NBAS: variants seen among roughly 807,000 people sequenced by gnomAD.
NBAS encodes the protein NAG/BC035112 fusion.
Under a neutral mutation model 302.5 loss-of-function variants are expected in NBAS, and 219 were observed. That is an observed-to-expected ratio of 0.72 (90% confidence interval 0.65 to 0.81). The LOEUF is 0.81. Among genes scored for constraint, NBAS ranks in the 30% least tolerant of loss-of-function variants. The probability of loss-of-function intolerance (pLI) is 0.00; values close to 1 mark genes in which losing one functional copy is unlikely to be tolerated. For synonymous variants in NBAS, 1,118 were observed against 1,021.6 expected (o/e 1.09, Z -1.80); for missense variants, 2,932 against 2,841.6 (o/e 1.03, Z -0.72).
At chr2:15,040,593 A>T in the NBAS span, among the ~76,000 whole-genome samples, 1 of 152,198 alleles carries the variant, frequency 6.6e-6, no homozygotes, top group Non-Finnish European at 1.5e-5. Context: ...CAGCAAACAG[A>T]TGTGGGGCTC....
chr2:15,403,707 G>A (rs1163252295), intron 25 of NBAS, among the ~76,000 whole-genome samples: 3 of 152,146 alleles, frequency 2.0e-5, no homozygotes, highest in African/African-American at 7.2e-5. Flanking sequence ...ACTGAGGGAT[G>A]AACGTATTCA....
intron 21 of NBAS, among the ~76,000 whole-genome samples, chr2:15,443,842 C>A (rs1186060887): frequency 6.6e-5 from 10 of 151,622 alleles, no homozygotes; most frequent in African/African-American, 1.2e-4. Flanking sequence ...AATCACAAGC[C>A]TTCTTATACA....
At chr2:14,808,351 T>C in the NBAS span, among the ~76,000 whole-genome samples, 1 of 152,180 alleles carries the variant, frequency 6.6e-6, no homozygotes, top group East Asian at 1.9e-4. Flanking sequence ...GTGAAATGGT[T>C]TGGCTCTGTA....
chr2:15,210,252 T>C (rs1666345167), intron 48 of NBAS, among the ~76,000 whole-genome samples: 1 of 151,928 alleles, frequency 6.6e-6, no homozygotes, highest in South Asian at 2.1e-4. Flanking sequence ...AACCAGAATA[T>C]ATAAGGAGTT....
At chr2:15,433,663 T>C (rs746913241) in intron 21 of NBAS, among the ~76,000 whole-genome samples, 33 of 152,236 alleles carry the variant, frequency 2.2e-4, no homozygotes, top group Non-Finnish European at 4.0e-4. Context: ...GCATTGTCTC[T>C]GTCCCAAACG....
the NBAS span, among the ~76,000 whole-genome samples, chr2:14,824,492 G>A: frequency 6.6e-6 from 1 of 151,170 alleles, no homozygotes; most frequent in Admixed American, 6.6e-5. Context: ...AGAAAGGGAG[G>A]AAAATACTCA....
intron 33 of NBAS, among the ~76,000 whole-genome samples, chr2:15,355,937 A>G (rs1673595744): frequency 6.6e-6 from 1 of 152,204 alleles, no homozygotes; most frequent in Non-Finnish European, 1.5e-5. Flanking sequence ...AAAAAATTAA[A>G]GAATGGAAAT....
At chr2:15,244,517 G>A (rs954932657) in intron 44 of NBAS, among the ~76,000 whole-genome samples, 3 of 152,150 alleles carry the variant, frequency 2.0e-5, no homozygotes, top group Non-Finnish European at 4.4e-5. Flanking sequence ...CCTCACAGTC[G>A]TGTCTGCCAA....
chr2:15,382,255 A>T (rs1299841618), intron 29 of NBAS, among the ~76,000 whole-genome samples: 2 of 152,184 alleles, frequency 1.3e-5, no homozygotes, highest in Admixed American at 6.5e-5. Flanking sequence ...ATTCCAAATT[A>T]ATGAGTAAAT....
chr2:15,133,386 T>C, the NBAS span, among the ~76,000 whole-genome samples: 266 of 152,188 alleles, frequency 1.7e-3, 2 homozygotes, highest in Non-Finnish European at 1.5e-3. Context: ...GAGATGGTCT[T>C]AGAGATGAAA....
intron 48 of NBAS, among the ~76,000 whole-genome samples, chr2:15,215,920 A>G (rs925401461): frequency 1.3e-5 from 2 of 152,226 alleles, no homozygotes; most frequent in South Asian, 4.1e-4. Flanking sequence ...TTGAAAAACA[A>G]TAATTTAAGA....
At chr2:15,536,350 T>A in intron 8 of NBAS, 68 bp downstream of exon 8, 1 of 1,524,458 alleles carries the variant, frequency 6.6e-7, no homozygotes, top group Non-Finnish European at 8.9e-7. Context: ...AAAAGAAATA[T>A]CAAAATCTGA....
At position 15,309,191 on chromosome 2, in the gene NBAS, A is replaced by G; in HGVS notation, c.4639T>C (p.Tyr1547His). The G allele has an allele frequency of 6.2e-7, 1 of 1,612,978 alleles. No individual in the cohort carries two copies. Among genetic ancestry groups the G allele is most frequent in the Non-Finnish European group, 8.5e-7 (1 of 1,179,250 alleles). ...CTTACTTGTGGTAAGGCAAGAAGGT[A>G]AGCAAGAGCCAAGGTCATGTCATTT... is the stretch of plus-strand genomic sequence containing the variant. ...LPNDMTLALA[Y>H]LLALPQVLDA... The change falls in exon 39 of 52, where the codon TAC (tyrosine) becomes CAC (histidine). Residue 1547 changes from tyrosine (Y) to histidine (H), a missense_variant. Physicochemically the swap from Tyr to His is moderately conservative, Grantham distance 83 (BLOSUM62 2). Transcript: ENST00000281513.
intron 31 of NBAS, 24 bp downstream of exon 31, chr2:15,374,584 T>C (rs751605524): frequency 2.1e-5 from 33 of 1,571,894 alleles, no homozygotes; most frequent in Non-Finnish European, 2.8e-5. Context: ...TTAGTAACAA[T>C]GCAACAGTAA....
chr2:15,502,464 T>C (rs1344723929), intron 11 of NBAS, among the ~76,000 whole-genome samples: 3 of 152,218 alleles, frequency 2.0e-5, no homozygotes, highest in African/African-American at 7.2e-5. Flanking sequence ...CTAGATGGGA[T>C]AGCCTACTAC....
At chr2:14,901,946 A>G in the NBAS span, among the ~76,000 whole-genome samples, 35,717 of 151,300 alleles carry the variant, frequency 0.24, 4,523 homozygotes, top group Non-Finnish European at 0.26. Flanking sequence ...GGAAACACCC[A>G]TGGGATCTGG....
chr2:14,886,437 A>G, the NBAS span, among the ~76,000 whole-genome samples: 1 of 152,134 alleles, frequency 6.6e-6, no homozygotes, highest in East Asian at 1.9e-4. Context: ...TCCTTCCCTC[A>G]TCTGCCTTGC....
At chr2:15,230,868 CT>C (rs1485617358) in intron 47 of NBAS, among the ~76,000 whole-genome samples, 3 of 152,198 alleles carry the variant, frequency 2.0e-5, no homozygotes, top group African/African-American at 7.2e-5. Flanking sequence ...TCTGCCTGCT[CT>C]GCTACCTGCT....
intron 21 of NBAS, among the ~76,000 whole-genome samples, chr2:15,443,454 C>A (rs542553992): frequency 2.0e-5 from 3 of 151,928 alleles, no homozygotes; most frequent in Non-Finnish European, 4.4e-5. Context: ...ATTCAACAAC[C>A]CTTCATGCTA....
Sources: gnomAD v4.1 joint callset for allele counts (sites outside exome capture counted in the v4.1 genomes callset) on GRCh38, gnomAD v4.1.1 for gene constraint, MANE v1.5 for transcripts, NCBI Gene and HGNC (gene_info 2026-07-23, HGNC 2026-07-21) for gene names.